MAP4K3: variants seen among roughly 807,000 people sequenced by gnomAD.
The protein encoded by MAP4K3 is mitogen-activated protein kinase kinase kinase kinase 3.
In MAP4K3, 94 loss-of-function variants were observed where a neutral mutation model predicts 143.5. The observed-to-expected ratio is 0.65, with a 90% confidence interval of 0.55 to 0.78. The LOEUF (loss-of-function observed/expected upper bound fraction) is 0.78, where lower values mean the gene tolerates loss of function less well. Among genes scored for constraint, MAP4K3 ranks in the 30% least tolerant of loss-of-function variants. The pLI is 0.00. For missense variants in MAP4K3, 1,077 were observed against 1,068.1 expected (o/e 1.01, Z -0.12); for synonymous variants, 416 against 347.2 (o/e 1.20, Z -2.20).
chr2:39,364,659 G>C (rs576635109), intron 2 of MAP4K3, among the ~76,000 whole-genome samples: 11 of 152,342 alleles, frequency 7.2e-5, no homozygotes, highest in African/African-American at 2.6e-4. Context: ...CCTGAGGCCA[G>C]GAGTACGAGA....
At chr2:39,259,254 T>A (rs1680465278) in intron 29 of MAP4K3, among the ~76,000 whole-genome samples, 1 of 152,178 alleles carries the variant, frequency 6.6e-6, no homozygotes, top group Admixed American at 6.5e-5. Context: ...GTCAACCTCA[T>A]CAGCAACACT....
chr2:39,260,290 A>C (rs1411935444), intron 29 of MAP4K3, among the ~76,000 whole-genome samples: 2 of 151,066 alleles, frequency 1.3e-5, no homozygotes, highest in African/African-American at 4.9e-5. Flanking sequence ...ACTTACATGC[A>C]ATTTTTTTAG....
Position 39,249,663 on chromosome 2 carries a change from T to C in MAP4K3, c.*955A>G, listed in dbSNP as rs1164459916. 1.3e-5 allele frequency: 2 copies of C among 152,620 alleles called. No homozygotes were observed. Among genetic ancestry groups the C allele is most frequent in the African/African-American group, 4.8e-5 (2 of 41,456 alleles). 9.5% of individuals were successfully genotyped at this position (152,620 alleles called of 1,614,324 possible). A position where few individuals can be genotyped will look rare whatever the true frequency, so the allele number is the denominator to read the frequency against. ...CAAAAGTAAAAATTCCAAGAGAAAT[T>C]TGAACCACTTCACTCTATGGAATGT... On this transcript the variant is annotated 3_prime_UTR_variant, in exon 34 of 34. Transcript: ENST00000263881.
chr2:39,325,863 T>C, intron 10 of MAP4K3, 36 bp downstream of exon 10: 2 of 1,561,750 alleles, frequency 1.3e-6, no homozygotes, highest in Non-Finnish European at 1.8e-6. Flanking sequence ...TTTTTGCTCA[T>C]CTCACCATAA....
intron 13 of MAP4K3, among the ~76,000 whole-genome samples, chr2:39,313,735 G>A (rs1454234059): frequency 6.6e-6 from 1 of 152,052 alleles, no homozygotes; most frequent in African/African-American, 2.4e-5. Flanking sequence ...CTGGTCTCCA[G>A]CTCCTGACCT....
rs1438993818 is a variant in MAP4K3, at chr2:39,299,765, C to T, written c.1156G>A (p.Gly386Ser). The change falls in exon 16 of 34, where the codon GGT (glycine) becomes AGT (serine). Residue 386 changes from glycine to serine, a missense_variant. Physicochemically the swap from Gly to Ser is moderately conservative, Grantham distance 56 (BLOSUM62 0). This residue lies in a region of MAP4K3 where 864 missense variants were observed against 801.2 expected (regional missense o/e 1.08). Transcript: ENST00000263881. ...QLEYGQGHQGGYFLGANKSLL... is the reference protein window; with the variant it reads ...QLEYGQGHQGSYFLGANKSLL... Reference sequence around the variant, plus strand: ...TACTTGTTTGCACCTAAAAAGTAACCACCTTGGTGTCCTTGTCCATATTCC... The same window carrying T: ...TACTTGTTTGCACCTAAAAAGTAACTACCTTGGTGTCCTTGTCCATATTCC... The T allele has an allele frequency of 1.9e-6, 3 of 1,574,422 alleles. No homozygotes were observed. The highest frequency in any genetic ancestry group is 1.9e-5 in the Admixed American group (1 of 53,606).
chr2:39,298,964 CAAA>C (rs371633915), intron 16 of MAP4K3, among the ~76,000 whole-genome samples: 19 of 68,464 alleles, frequency 2.8e-4, no homozygotes, highest in Non-Finnish European at 3.8e-4. Flanking sequence ...CACTCTGCCT[CAAA>C]AAAAAAAAAA....
chr2:39,306,815 C>T (rs1243244494), intron 15 of MAP4K3, among the ~76,000 whole-genome samples: 2 of 152,254 alleles, frequency 1.3e-5, no homozygotes, highest in East Asian at 1.9e-4. Context: ...AGTCTTAGTC[C>T]CTCCCAGAAG....
intron 1 of MAP4K3, among the ~76,000 whole-genome samples, chr2:39,427,847 T>C (rs1665143076): frequency 6.6e-6 from 1 of 152,236 alleles, no homozygotes; most frequent in South Asian, 2.1e-4. Flanking sequence ...CATTTATCTG[T>C]ATCTTATATA....
At position 39,364,926 on chromosome 2, in the gene MAP4K3, A is replaced by G. The variant is rs1665878711; in HGVS notation, c.155-8587T>C. ...GACCAAGGTTTTATCATGCAGATGA[A>G]GCCTCCAGGTAGCAGACTTCAGAGC... On this transcript the variant is annotated intron_variant, in intron 2 of 33. Transcript: ENST00000263881. Among the ~76,000 whole-genome samples, 4 of 152,150 alleles carry G rather than the reference A, an allele frequency of 2.6e-5. No homozygotes were observed. The South Asian group carries it at 8.3e-4, about 32-fold the overall frequency.
At chr2:39,347,642 T>A (rs956841416) in intron 3 of MAP4K3, among the ~76,000 whole-genome samples, 1 of 152,102 alleles carries the variant, frequency 6.6e-6, no homozygotes, top group Non-Finnish European at 1.5e-5. Flanking sequence ...TAGTGTAGTG[T>A]AGTATAACTT....
intron 19 of MAP4K3, among the ~76,000 whole-genome samples, chr2:39,289,467 G>C (rs1681939840): frequency 6.6e-6 from 1 of 151,488 alleles, no homozygotes; most frequent in South Asian, 2.1e-4. Context: ...GTATATATTA[G>C]CTCATTTTAC....
chr2:39,260,626 G>A lies in MAP4K3; in HGVS notation c.2288C>T (p.Ser763Phe), dbSNP rs1680529997. The change falls in exon 29 of 34, where the codon TCT (serine) becomes TTT (phenylalanine). Residue 763 changes from serine to phenylalanine, a missense_variant. Transcript: ENST00000263881. ...RFETVNPNST[S>F]SWFTESDTPQ... ...CAAACCTGATTCTGTAAACCATGAA[G>A]AGGTAGAATTTGGATTGACCGTCTC... 5.6e-6 allele frequency: 9 copies of A among 1,613,948 alleles called. No individual in the cohort carries two copies. The highest frequency in any genetic ancestry group is 7.6e-6 in the Non-Finnish European group (9 of 1,179,958).
chr2:39,288,175 C>G lies in MAP4K3; in HGVS notation c.1420G>C (p.Val474Leu). 2 of 1,614,096 alleles carry G rather than the reference C, an allele frequency of 1.2e-6. No individual in the cohort carries two copies. Among genetic ancestry groups the G allele is most frequent in the South Asian group, 1.1e-5 (1 of 91,066 alleles). Residue 474 changes from valine (V) to leucine (L), a missense_variant, in exon 20 of 34, where the codon GTT (valine) becomes CTT (leucine). Val to Leu is a conservative substitution (Grantham distance 32, BLOSUM62 1). Transcript: ENST00000263881. ...MSGSPAKPSQ[V>L]PPRPPPPRLP... The stretch of plus-strand genomic sequence containing the variant: ...CTGGGAGGTGGTGGTCTAGGTGGAA[C>G]TTGGGATGGCTTTGCTGGGCTCCCT...
intron 16 of MAP4K3, among the ~76,000 whole-genome samples, chr2:39,296,375 C>T (rs765180434): frequency 1.3e-5 from 2 of 152,124 alleles, no homozygotes; most frequent in Admixed American, 1.3e-4. Context: ...GAATGTTACA[C>T]AATAAACAAT....
At chr2:39,344,551 G>C (rs569568466) in intron 3 of MAP4K3, among the ~76,000 whole-genome samples, 7 of 152,198 alleles carry the variant, frequency 4.6e-5, no homozygotes, top group South Asian at 4.1e-4. Flanking sequence ...GAAGAGCTTA[G>C]TCGTGGTGAC....
rs770901014 is a variant in MAP4K3, at chr2:39,260,594, A to C, written c.2308+12T>G. On this transcript the variant is annotated intron_variant, in intron 29 of 33. Coordinates refer to ENST00000263881, the MANE Select transcript of MAP4K3 (RefSeq NM_003618.4). ...ATGTATTACCCTTAATAATTCCATA[A>C]AAATTACAAACCTGATTCTGTAAAC... The C allele has an allele frequency of 4.3e-6, 7 of 1,612,524 alleles. No homozygotes were observed. The Admixed American group carries it at 1.2e-4, about 27-fold the overall frequency.
intron 1 of MAP4K3, among the ~76,000 whole-genome samples, chr2:39,405,142 T>C (rs1194001603): frequency 3.3e-5 from 5 of 152,174 alleles, no homozygotes; most frequent in Admixed American, 3.3e-4. Context: ...TGGCTTCTGG[T>C]CTGACCCAGC....
chr2:39,252,321 T>C (rs911065494), intron 32 of MAP4K3, among the ~76,000 whole-genome samples: 1 of 152,260 alleles, frequency 6.6e-6, no homozygotes, highest in African/African-American at 2.4e-5. Flanking sequence ...TGAGTTTGAC[T>C]GTCAGTTCTC....
Sources: gnomAD v4.1 joint callset for allele counts (sites outside exome capture counted in the v4.1 genomes callset) on GRCh38, gnomAD v4.1.1 for gene constraint, gnomAD v4.1.1 regional missense constraint, MANE v1.5 for transcripts, NCBI Gene and HGNC (gene_info 2026-07-23, HGNC 2026-07-21) for gene names.